The following COL6A1 variants were observed in gnomAD, a reference collection of about 807,000 sequenced individuals.
COL6A1 encodes collagen type VI alpha 1 chain.
Under a neutral mutation model 145.6 loss-of-function variants are expected in COL6A1, and 80 were observed. The ratio of observed to expected loss-of-function variants is 0.55; its 90% CI spans 0.46 to 0.66. The LOEUF (loss-of-function observed/expected upper bound fraction) is 0.66, where lower values mean the gene tolerates loss of function less well. COL6A1 is among the 30% of genes least tolerant of loss of function. The pLI is 0.00. For synonymous variants in COL6A1, 638 were observed against 622.8 expected (o/e 1.02, Z -0.36); for missense variants, 1,364 against 1,473.8 (o/e 0.93, Z 1.22).
Position 45,998,398 on chromosome 21 carries a change from G to A in COL6A1, c.1576G>A (p.Gly526Arg). Residue 526 changes from glycine (G) to arginine (R), a missense_variant and splice_region_variant, in exon 24 of 35, where the codon GGG (glycine) becomes AGG (arginine). Transcript: ENST00000361866. ...NGTEGFPGFP[G>R]YPGNRGAPGI... The stretch of plus-strand genomic sequence containing the variant: ...TCACTGCCCTGCTTTTCCATGACAG[G>A]GGTATCCGGGCAACAGGGGCGCTCC... The A allele has an allele frequency of 6.2e-7, 1 of 1,613,304 alleles. No homozygotes were observed. Among genetic ancestry groups the A allele is most frequent in the Non-Finnish European group, 8.5e-7 (1 of 1,180,014 alleles).
In COL6A1 at chr21:46,002,416, C is replaced by T. The variant is rs1351236549; in HGVS notation, c.2250+15C>T. On this transcript the variant is annotated intron_variant, in intron 32 of 34. Transcript: ENST00000361866. ...CCGGCATCCAGGTGGGGTGGCCACC[C>T]CCAGGCTGCACCTGCCCCGCCTAGG... is the stretch of plus-strand genomic sequence containing the variant. The T allele has an allele frequency of 2.5e-6, 4 of 1,609,048 alleles. No homozygotes were observed. Among genetic ancestry groups the T allele is most frequent in the Non-Finnish European group, 3.4e-6 (4 of 1,178,220 alleles).
intron 3 of COL6A1, among the ~76,000 whole-genome samples, chr21:45,985,678 C>T (rs1291035225): frequency 3.3e-5 from 5 of 152,208 alleles, no homozygotes; most frequent in African/African-American, 1.2e-4. Context: ...GCCTCAGGAT[C>T]CCAGTGGGGG....
chr21:45,996,500 G>A (rs1398120948), intron 20 of COL6A1, among the ~76,000 whole-genome samples: 1 of 152,248 alleles, frequency 6.6e-6, no homozygotes, highest in African/African-American at 2.4e-5. Context: ...TCTGGTAGTG[G>A]GGAAGTTGTA....
At chr21:45,997,995 G>A (rs557500341) in intron 22 of COL6A1, 126 bp from the exon 23 acceptor site, 2 of 1,302,426 alleles carry the variant, frequency 1.5e-6, no homozygotes, top group Non-Finnish European at 1.1e-6. Context: ...GGTGGCCCCA[G>A]GGGAGGGAGC....
At position 46,004,672 on chromosome 21, in the gene COL6A1, G is replaced by C. The variant is rs568352795; in HGVS notation, c.*659G>C. On this transcript the variant is annotated 3_prime_UTR_variant, in exon 35 of 35. Coordinates refer to ENST00000361866, the MANE Select transcript of COL6A1 (RefSeq NM_001848.3). ...CGGCGACTCGGCCCCGTCTCCTGAGGGTCCTGCTGGTGACCGGCCTGGACC... is the reference window on the plus strand; with the variant it reads ...CGGCGACTCGGCCCCGTCTCCTGAGCGTCCTGCTGGTGACCGGCCTGGACC... 72 of 448,224 alleles carry C rather than the reference G, an allele frequency of 1.6e-4. No individual in the cohort carries two copies. Among genetic ancestry groups the C allele is most frequent in the South Asian group, 1.1e-3 (70 of 63,540 alleles). 27.8% of individuals were successfully genotyped at this position (448,224 alleles called of 1,614,324 possible).
In COL6A1 at chr21:46,003,693, G is replaced by C. The variant is rs146191538; in HGVS notation, c.2767G>C (p.Val923Leu). The C allele has an allele frequency of 6.2e-7, 1 of 1,613,106 alleles. No individual in the cohort carries two copies. Among genetic ancestry groups the C allele is most frequent in the Admixed American group, 1.7e-5 (1 of 60,024 alleles). The part of the protein sequence containing the change: ...ATDVNDALGY[V>L]TRFYREASSG... ...CGACGTCAACGATGCCCTGGGCTATGTGACCCGCTTCTACCGCGAGGCCTC... is the reference window on the plus strand; with the variant it reads ...CGACGTCAACGATGCCCTGGGCTATCTGACCCGCTTCTACCGCGAGGCCTC... Residue 923 changes from valine (V) to leucine (L), a missense_variant, in exon 35 of 35, where the codon GTG (valine) becomes CTG (leucine). This residue lies in a region of COL6A1 where 938 missense variants were observed against 1,003.8 expected (regional missense o/e 0.93). Coordinates refer to ENST00000361866, the MANE Select transcript of COL6A1 (RefSeq NM_001848.3).
At chr21:45,985,567 G>T (rs998392832) in intron 3 of COL6A1, among the ~76,000 whole-genome samples, 1 of 152,234 alleles carries the variant, frequency 6.6e-6, no homozygotes, top group Non-Finnish European at 1.5e-5. Context: ...GGACTGAGGG[G>T]TTTCCTCTCA....
chr21:46,002,734 G>C (rs760488528), intron 33 of COL6A1, 24 bp downstream of exon 33: 8 of 1,559,666 alleles, frequency 5.1e-6, no homozygotes, highest in Non-Finnish European at 7.0e-6. Context: ...CACCCGGGCA[G>C]TCCCAGATCT....
chr21:45,998,280 C>CT, intron 23 of COL6A1, 109 bp downstream of exon 23: 4 of 1,580,818 alleles, frequency 2.5e-6, no homozygotes, highest in Non-Finnish European at 3.4e-6. Flanking sequence ...GGACCGCCGG[C>CT]TGGCCCAGGA....
rs8129814 is a variant in COL6A1, at chr21:45,989,199, C to T, written c.858+62C>T. On this transcript the variant is annotated intron_variant, in intron 9 of 34. Transcript: ENST00000361866. Reference sequence around the variant, plus strand: ...CTGGAGGCGGGGAACGACTAGGCCTCGGAAACTTCCGGAAGAGTGGCTGGG... The same window carrying T: ...CTGGAGGCGGGGAACGACTAGGCCTTGGAAACTTCCGGAAGAGTGGCTGGG... The T allele has an allele frequency of 0.56, 852,936 of 1,522,432 alleles. 241,587 individuals are homozygous for T. Among genetic ancestry groups the T allele is most frequent in the Admixed American group, 0.65 (31,605 of 48,584 alleles). 94.3% of individuals were successfully genotyped at this position (1,522,432 alleles called of 1,614,324 possible).
Position 45,986,585 on chromosome 21 carries a change from AG to A in COL6A1, c.491del (p.Gly164AlafsTer13). 6.4e-7 allele frequency: 1 copy of A among 1,563,422 alleles called. No homozygotes were observed. The highest frequency in any genetic ancestry group is 8.7e-7 in the Non-Finnish European group (1 of 1,154,086). On this transcript the variant is annotated frameshift_variant, in exon 4 of 35. Coordinates refer to ENST00000361866, the MANE Select transcript of COL6A1 (RefSeq NM_001848.3). LOFTEE classifies it high-confidence loss of function. Reference sequence around the variant, plus strand: ...GTGGTGACCGACGGGCACCCCCTGGAGGGCTACAAGGAACCCTGTGGGGGGC... The same window carrying A: ...GTGGTGACCGACGGGCACCCCCTGGAGGCTACAAGGAACCCTGTGGGGGGC... ...LIVVTDGHPL[E>X]GYKEPCGGLE...
intron 6 of COL6A1, 114 bp from the exon 7 acceptor site, chr21:45,987,385 G>C: frequency 6.6e-7 from 1 of 1,525,404 alleles, no homozygotes; most frequent in Non-Finnish European, 9.0e-7. Context: ...GTGTCCGCCT[G>C]TGCGTCCATC....
chr21:45,986,736 C>T (rs764985107), intron 4 of COL6A1, 51 bp downstream of exon 4: 3 of 1,534,802 alleles, frequency 2.0e-6, no homozygotes, highest in Middle Eastern at 4.3e-4. Context: ...GGAGTGGCGG[C>T]TGCAAGGCCC....
chr21:46,003,305 C>A, intron 34 of COL6A1, 86 bp from the exon 35 acceptor site: 1 of 1,603,546 alleles, frequency 6.2e-7, no homozygotes. Context: ...CGTGCCCTCT[C>A]TGGGGAGCTT....
At chr21:45,985,259 TAGAG>T (rs889345352) in intron 3 of COL6A1, among the ~76,000 whole-genome samples, 20 of 103,566 alleles carry the variant, frequency 1.9e-4, no homozygotes, top group South Asian at 6.2e-4. Flanking sequence ...GAGACAGAAA[TAGAG>T]AGATAGAGAC....
At position 46,003,695 on chromosome 21, in the gene COL6A1, G is replaced by A. The variant is rs1407524766; in HGVS notation, c.2769G>A (p.Val923=). 6.2e-7 allele frequency: 1 copy of A among 1,612,958 alleles called. No individual in the cohort carries two copies. The highest frequency in any genetic ancestry group is 1.3e-5 in the African/African-American group (1 of 74,950). The change falls in exon 35 of 35, where the codon GTG becomes GTA. Residue 923 remains valine, a synonymous_variant. Transcript: ENST00000361866. ...ACGTCAACGATGCCCTGGGCTATGTGACCCGCTTCTACCGCGAGGCCTCGT... is the reference window on the plus strand; with the variant it reads ...ACGTCAACGATGCCCTGGGCTATGTAACCCGCTTCTACCGCGAGGCCTCGT... ...ATDVNDALGY[V]TRFYREASSG...
intron 4 of COL6A1, 64 bp downstream of exon 4, chr21:45,986,749 G>A (rs1001716499): frequency 3.5e-5 from 53 of 1,529,700 alleles, no homozygotes; most frequent in Admixed American, 1.8e-4. Context: ...CAAGGCCCCC[G>A]GCAGCTGGGA....
chr21:45,997,518 A>C, intron 21 of COL6A1, 35 bp downstream of exon 21: 6 of 1,575,794 alleles, frequency 3.8e-6, no homozygotes, highest in East Asian at 2.3e-5. Flanking sequence ...CCGCCCACCC[A>C]GGGGGGCCTG....
rs530969007 is a variant in COL6A1, at chr21:45,987,640, G to T, written c.790G>T (p.Asp264Tyr). The change falls in exon 8 of 35, where the codon GAC becomes TAC. Residue 264 changes from aspartate (D) to tyrosine (Y), a missense_variant. Physicochemically the swap from Asp to Tyr is radical, Grantham distance 160. Coordinates refer to ENST00000361866, the MANE Select transcript of COL6A1 (RefSeq NM_001848.3). ...PARGPPGLRG[D>Y]PGFEGERGKP... Reference sequence around the variant, plus strand: ...AAGAGGACCTCCGGGGCTCCGGGGCGACCCCGGCTTTGAGGTGAGTGGTGA... The same window carrying T: ...AAGAGGACCTCCGGGGCTCCGGGGCTACCCCGGCTTTGAGGTGAGTGGTGA... The T allele has an allele frequency of 6.2e-7, 1 of 1,610,532 alleles. No homozygotes were observed.
Sources: allele counts gnomAD v4.1 joint callset (sites outside exome capture counted in the v4.1 genomes callset), GRCh38; gene constraint gnomAD v4.1.1; regional missense constraint gnomAD v4.1.1; transcripts MANE v1.5; gene names NCBI Gene and HGNC (gene_info 2026-07-23, HGNC 2026-07-21).